Variants in FBN2 observed in about 807,000 individuals in gnomAD.
FBN2 encodes the protein fibrillin-2.
FBN2 carries 105 observed loss-of-function variants against 355.6 expected under a neutral mutation model. The ratio of observed to expected loss-of-function variants is 0.30; its 90% CI spans 0.25 to 0.35. The LOEUF is 0.35. Ranked by LOEUF, FBN2 falls within the 10% of genes least tolerant of loss-of-function variation. FBN2 has a pLI of 1.00. For synonymous variants in FBN2, 1,350 were observed against 1,301.2 expected (o/e 1.04, Z -0.81); for missense variants, 3,280 against 3,758.7 (o/e 0.87, Z 3.33).
At chr5:128,288,125 T>C (rs1482103887) in intron 53 of FBN2, among the ~76,000 whole-genome samples, 1 of 152,140 alleles carries the variant, frequency 6.6e-6, no homozygotes. Flanking sequence ...ATCCAGAGTA[T>C]AAATCCAACA....
chr5:128,408,587 T>TATAATCGTTGCCATCTTC lies in FBN2; in HGVS notation c.1078+69_1078+86dup, dbSNP rs1752989695. 9 of 1,479,246 alleles carry TATAATCGTTGCCATCTTC rather than the reference T, an allele frequency of 6.1e-6. No individual in the cohort carries two copies. The Admixed American group carries it at 8.4e-5, about 14-fold the overall frequency. 91.6% of individuals were successfully genotyped at this position (1,479,246 alleles called of 1,614,324 possible). On this transcript the variant is annotated intron_variant, in intron 8 of 64. Transcript: ENST00000262464. Reference sequence around the variant, plus strand: ...TCATTCAGCCATTTCTTCAATATTTTATAATCGTTGCCATCTTCATACCTG... The same window carrying TATAATCGTTGCCATCTTC: ...TCATTCAGCCATTTCTTCAATATTTTATAATCGTTGCCATCTTCATAATCGTTGCCATCTTCATACCTG...
rs1040563928 is a variant in FBN2 at position 128,345,281 on chromosome 5, C to G, written c.3217+76G>C. On this transcript the variant is annotated intron_variant, in intron 24 of 64. Transcript: ENST00000262464. ...AAAGTGGGAAGTCAAACATTTAAAGCAAAACCAATTCTCAGAGAATGTGGA... is the reference window on the plus strand; with the variant it reads ...AAAGTGGGAAGTCAAACATTTAAAGGAAAACCAATTCTCAGAGAATGTGGA... 4 of 1,254,056 alleles carry G rather than the reference C, an allele frequency of 3.2e-6. No homozygotes were observed. The Admixed American group carries it at 6.7e-5, about 21-fold the overall frequency. The allele number at this position is 1,254,056 out of a possible 1,614,324, so 77.7% of individuals were successfully genotyped here. A position where few individuals can be genotyped will look rare whatever the true frequency, so the allele number is the denominator to read the frequency against.
At chr5:128,339,956 T>C (rs7718312) in intron 25 of FBN2, among the ~76,000 whole-genome samples, 42,011 of 152,128 alleles carry the variant, frequency 0.28, 6,196 homozygotes, top group Middle Eastern at 0.46. Flanking sequence ...TTTGGTGACA[T>C]GAGCTGTCAC....
At chr5:128,261,013 C>A (rs1764951548) in intron 64 of FBN2, among the ~76,000 whole-genome samples, 1 of 152,188 alleles carries the variant, frequency 6.6e-6, no homozygotes, top group African/African-American at 2.4e-5. Flanking sequence ...CCAGGCAGTT[C>A]ACATGTTTCA....
intron 53 of FBN2, among the ~76,000 whole-genome samples, chr5:128,288,046 T>C (rs1749208381): frequency 6.6e-6 from 1 of 152,220 alleles, no homozygotes; most frequent in South Asian, 2.1e-4. Context: ...GAGTTGACTG[T>C]CTGCTAAGAC....
In FBN2 at chr5:128,351,543, G is replaced by A. The variant is rs112117458; in HGVS notation, c.2675-538C>T. ...GCCTAGGCAACAAGAGTGAAACTTC[G>A]TCTCAAAAAAAAAAAAGAAAAAATT... On this transcript the variant is annotated intron_variant, in intron 20 of 64. Coordinates refer to ENST00000262464, the MANE Select transcript of FBN2 (RefSeq NM_001999.4). Among the ~76,000 whole-genome samples, 129 of 148,528 alleles carry A rather than the reference G, an allele frequency of 8.7e-4. 2 individuals are homozygous for A. The highest frequency in any genetic ancestry group is 6.9e-3 in the Middle Eastern group (2 of 288).
rs1561742264 is a variant in FBN2, at chr5:128,274,471, TA to T, written c.7711+95del. The stretch of plus-strand genomic sequence containing the variant: ...ATTATGGGGTATTGGTTACTGAACA[TA>T]AATACCAGGACATTCTTCTGTTTAT... On this transcript the variant is annotated intron_variant, in intron 60 of 64. Transcript: ENST00000262464. The T allele has an allele frequency of 7.7e-6, 6 of 779,224 alleles. No individual in the cohort carries two copies. The African/African-American group carries it at 1.0e-4, about 13-fold the overall frequency. 48.3% of individuals were successfully genotyped at this position (779,224 alleles called of 1,614,324 possible). A position where few individuals can be genotyped will look rare whatever the true frequency, so the allele number is the denominator to read the frequency against.
chr5:128,469,474 T>C (rs1207396566), intron 5 of FBN2, among the ~76,000 whole-genome samples: 1 of 142,006 alleles, frequency 7.0e-6, no homozygotes, highest in Non-Finnish European at 1.5e-5. Context: ...GAGCTTGCAG[T>C]GAGCCAAGAT....
chr5:128,305,361 A>G, intron 44 of FBN2, 150 bp downstream of exon 44: 1 of 943,146 alleles, frequency 1.1e-6, no homozygotes, highest in South Asian at 1.4e-5. Flanking sequence ...TCTTAACAAA[A>G]TCATCTAAAA....
At chr5:128,510,999 A>ATGTTAAAAAATATTTTGGGT (rs1756114124) in intron 5 of FBN2, among the ~76,000 whole-genome samples, 1 of 152,146 alleles carries the variant, frequency 6.6e-6, no homozygotes, top group African/African-American at 2.4e-5. Context: ...TCATGGTGTT[A>ATGTTAAAAAATATTTTGGGT]TGTTAAAAAA....
chr5:128,314,069 C>T, intron 36 of FBN2, among the ~76,000 whole-genome samples: 1 of 152,000 alleles, frequency 6.6e-6, no homozygotes, highest in Admixed American at 6.6e-5. Context: ...CAGAGTGACC[C>T]TTCAATAGCA....
chr5:128,399,501 T>C (rs1411595540), intron 8 of FBN2, among the ~76,000 whole-genome samples: 2 of 152,146 alleles, frequency 1.3e-5, no homozygotes, highest in Non-Finnish European at 2.9e-5. Flanking sequence ...AAACAAAATG[T>C]TGAAAGAGGC....
chr5:128,335,323 A>T, intron 29 of FBN2, 28 bp from the exon 30 acceptor site: 3 of 1,614,040 alleles, frequency 1.9e-6, no homozygotes, highest in Non-Finnish European at 2.5e-6. Flanking sequence ...GCATCAAATG[A>T]AAATAAAAAT....
At chr5:128,262,536 C>A (rs560999592) in intron 63 of FBN2, among the ~76,000 whole-genome samples, 1 of 152,180 alleles carries the variant, frequency 6.6e-6, no homozygotes, top group Non-Finnish European at 1.5e-5. Flanking sequence ...AAGACAGGTT[C>A]CATTGTTTCA....
intron 48 of FBN2, among the ~76,000 whole-genome samples, chr5:128,297,737 C>T (rs962942650): frequency 7.2e-5 from 11 of 152,156 alleles, no homozygotes; most frequent in Non-Finnish European, 1.0e-4. Flanking sequence ...TGTCTCTGCC[C>T]GTGAGATGGG....
At chr5:128,297,766 C>T (rs893749948) in intron 48 of FBN2, among the ~76,000 whole-genome samples, 1 of 152,122 alleles carries the variant, frequency 6.6e-6, no homozygotes, top group African/African-American at 2.4e-5. Context: ...ATACAGCACA[C>T]TGATGGGTCT....
chr5:128,329,483 A>G (rs1262826600), intron 33 of FBN2, among the ~76,000 whole-genome samples: 1 of 152,098 alleles, frequency 6.6e-6, no homozygotes, highest in Non-Finnish European at 1.5e-5. Context: ...GAATTCACCA[A>G]TCTCCTGAGG....
intron 6 of FBN2, among the ~76,000 whole-genome samples, chr5:128,456,008 A>AAAAAAAAAAAAAAAAAAAAAG (rs1754380371): frequency 2.1e-5 from 3 of 144,552 alleles, no homozygotes; most frequent in African/African-American, 7.9e-5. Context: ...AAAAAAAAAA[A>AAAAAAAAAAAAAAAAAAAAAG]AAAAAAAAAA....
chr5:128,369,025 C>G (rs1489521222), intron 16 of FBN2, among the ~76,000 whole-genome samples, 157 bp downstream of exon 16: 1 of 152,094 alleles, frequency 6.6e-6, no homozygotes, highest in African/African-American at 2.4e-5. Flanking sequence ...GCCAAATCTC[C>G]TTATTATATG....
Sources: gnomAD v4.1 joint callset for allele counts (sites outside exome capture counted in the v4.1 genomes callset) on GRCh38, gnomAD v4.1.1 for gene constraint, MANE v1.5 for transcripts, NCBI Gene and HGNC (gene_info 2026-07-23, HGNC 2026-07-21) for gene names.